Variants in ARHGEF26 observed in about 807,000 individuals in gnomAD.
The protein encoded by ARHGEF26 is Rho guanine nucleotide exchange factor 26, also known as Rho guanine nucleotide exchange factor (GEF) 26.
Under a neutral mutation model 89.4 loss-of-function variants are expected in ARHGEF26, and 59 were observed. That is an observed-to-expected ratio of 0.66 (90% confidence interval 0.54 to 0.82). ARHGEF26 has a LOEUF of 0.82. Ranked by LOEUF, ARHGEF26 falls within the 40% of genes least tolerant of loss-of-function variation. The pLI, the probability that ARHGEF26 is intolerant of heterozygous loss-of-function variation, is 0.00. For synonymous variants in ARHGEF26, 500 were observed against 428.4 expected (o/e 1.17, Z -2.06); for missense variants, 1,234 against 1,085.6 (o/e 1.14, Z -1.92).
chr3:154,151,424 C>T (rs1247168256), intron 5 of ARHGEF26, among the ~76,000 whole-genome samples: 1 of 152,140 alleles, frequency 6.6e-6, no homozygotes, highest in Non-Finnish European at 1.5e-5. Context: ...TTTGCTGTTG[C>T]AAATATTTTA....
intron 6 of ARHGEF26, among the ~76,000 whole-genome samples, chr3:154,160,652 C>A (rs998067694): frequency 6.6e-6 from 1 of 152,038 alleles, no homozygotes; most frequent in Admixed American, 6.6e-5. Flanking sequence ...AATCCCAGAA[C>A]CTCTGAAAGG....
intron 9 of ARHGEF26, among the ~76,000 whole-genome samples, chr3:154,202,383 T>C (rs1576771936): frequency 3.3e-5 from 5 of 152,320 alleles, no homozygotes; most frequent in Middle Eastern, 6.8e-3. Context: ...TTGGTACCAG[T>C]ACCATGCTGT....
chr3:154,239,301 T>A (rs1013755534), intron 11 of ARHGEF26, among the ~76,000 whole-genome samples: 650 of 24,722 alleles, frequency 0.026, no homozygotes, highest in Non-Finnish European at 0.044. Flanking sequence ...AGAGAGAGAG[T>A]GTGTGTGTGT....
intron 11 of ARHGEF26, among the ~76,000 whole-genome samples, chr3:154,228,435 CCTTTTTTTTTTTTT>C (rs1482159651): frequency 7.2e-6 from 1 of 138,780 alleles, no homozygotes; most frequent in Non-Finnish European, 1.6e-5. Context: ...CCGCACCTGG[CCTTTTTTTTTTTTT>C]CTTTTTCTTT....
Position 154,255,980 on chromosome 3 carries a change from C to T in ARHGEF26, c.*507C>T. ...AATGCTTCGTTAACTTCAAAAGGAA[C>T]TGGTAGAGTTCAGAAGGTGAGCTGT... On this transcript the variant is annotated 3_prime_UTR_variant, in exon 15 of 15. Coordinates refer to ENST00000465093, the MANE Select transcript of ARHGEF26 (RefSeq NM_015595.4). 1.0e-6 allele frequency: 1 copy of T among 985,722 alleles called. No homozygotes were observed. The highest frequency in any genetic ancestry group is 1.2e-6 in the Non-Finnish European group (1 of 830,060). The allele number at this position is 985,722 out of a possible 1,614,324, so 61.1% of individuals were successfully genotyped here.
Position 154,122,914 on chromosome 3 carries a change from C to T in ARHGEF26, c.922C>T (p.Leu308=). The T allele has an allele frequency of 6.2e-7, 1 of 1,613,544 alleles. No homozygotes were observed. Among genetic ancestry groups the T allele is most frequent in the South Asian group, 1.1e-5 (1 of 90,902 alleles). ...TAACGACGTGGATAGCCCAGGGTCT[C>T]TGCGGAGAGGCTTGCGGTCCACGTC... The part of the protein sequence containing the change: ...VDNDVDSPGS[L]RRGLRSTSYR... The change falls in exon 2 of 15, where the codon CTG becomes TTG. Residue 308 remains leucine (L), a synonymous_variant. Transcript: ENST00000465093.
intron 7 of ARHGEF26, among the ~76,000 whole-genome samples, chr3:154,190,584 G>A (rs1713892865): frequency 6.6e-6 from 1 of 152,194 alleles, no homozygotes; most frequent in Admixed American, 6.5e-5. Flanking sequence ...TACTTGGTGA[G>A]GTAGGGACCT....
At chr3:154,212,825 C>T (rs1045160857) in intron 9 of ARHGEF26, among the ~76,000 whole-genome samples, 3 of 151,980 alleles carry the variant, frequency 2.0e-5, no homozygotes, top group Non-Finnish European at 2.9e-5. Flanking sequence ...CACCTCCTGC[C>T]GTGCGCTGGA....
At position 154,255,937 on chromosome 3, in the gene ARHGEF26, T is replaced by C; in HGVS notation, c.*464T>C. ...AATATTTCCCTGCCTTTTTTTTTCT[T>C]TTTTTACATCTGATTTTAATGCTTC... On this transcript the variant is annotated 3_prime_UTR_variant, in exon 15 of 15. Coordinates refer to ENST00000465093, the MANE Select transcript of ARHGEF26 (RefSeq NM_015595.4). 2 of 986,928 alleles carry C rather than the reference T, an allele frequency of 2.0e-6. No individual in the cohort carries two copies. The highest frequency in any genetic ancestry group is 2.4e-6 in the Non-Finnish European group (2 of 830,762). The allele number at this position is 986,928 out of a possible 1,614,324, so 61.1% of individuals were successfully genotyped here. A position where few individuals can be genotyped will look rare whatever the true frequency, so the allele number is the denominator to read the frequency against.
chr3:154,224,120 C>T (rs1487059626), intron 10 of ARHGEF26, among the ~76,000 whole-genome samples: 2 of 152,034 alleles, frequency 1.3e-5, no homozygotes, highest in Admixed American at 1.3e-4. Context: ...CTAGTCTCAG[C>T]ATTTCCTTAC....
chr3:154,228,560 T>C lies in ARHGEF26; in HGVS notation c.2090+2550T>C, dbSNP rs186972792. The stretch of plus-strand genomic sequence containing the variant: ...TTTACCAAAACTAGAATTTTTTTTT[T>C]GCCTTACCAATTAGTTCATTATATT... On this transcript the variant is annotated intron_variant, in intron 11 of 14. Coordinates refer to ENST00000465093, the MANE Select transcript of ARHGEF26 (RefSeq NM_015595.4). 5.5e-3 allele frequency among the ~76,000 whole-genome samples: 835 copies of C among 152,188 alleles called. 8 individuals carry two copies. The highest frequency in any genetic ancestry group is 0.019 in the African/African-American group (782 of 41,504).
In ARHGEF26 at chr3:154,122,419, G is replaced by A; in HGVS notation, c.427G>A (p.Val143Ile). ...CTTGCCTGCGCCGCCGCCGCCGCCG[G>A]TTCTGCGCCCCCCGCGGACTCCTAA... ...VTLPAPPPPP[V>I]LRPPRTPNAP... The change falls in exon 2 of 15, where the codon GTT becomes ATT. Residue 143 changes from valine (V) to isoleucine (I), a missense_variant. By Grantham distance (29) the Val-to-Ile change is conservative. Coordinates refer to ENST00000465093, the MANE Select transcript of ARHGEF26 (RefSeq NM_015595.4). The A allele has an allele frequency of 6.2e-7, 1 of 1,610,994 alleles. No homozygotes were observed. The highest frequency in any genetic ancestry group is 1.3e-5 in the African/African-American group (1 of 74,988).
rs1718091548 is a variant in ARHGEF26, at chr3:154,123,022, C to A, written c.1030C>A (p.Leu344Met). Residue 344 changes from leucine (L) to methionine (M), a missense_variant, in exon 2 of 15, where the codon CTG becomes ATG. Transcript: ENST00000465093. ...GAAGAACAGAATGTCCCAGCCTGTT[C>A]TGAAAGTGGTGATGGAAGACAAGGA... ...KKKNRMSQPV[L>M]KVVMEDKEKF... The A allele has an allele frequency of 1.9e-6, 3 of 1,613,896 alleles. No homozygotes were observed. The highest frequency in any genetic ancestry group is 1.3e-5 in the African/African-American group (1 of 75,032).
intron 4 of ARHGEF26, among the ~76,000 whole-genome samples, chr3:154,134,905 AACCT>A (rs1718911577): frequency 6.6e-6 from 1 of 152,192 alleles, no homozygotes; most frequent in Admixed American, 6.5e-5. Flanking sequence ...ATGTTGAACC[AACCT>A]TGCATCCCAT....
In ARHGEF26 at chr3:154,151,934, C is replaced by T. The variant is rs184771080; in HGVS notation, c.1327-838C>T. Among the ~76,000 whole-genome samples the T allele has an allele frequency of 3.2e-4, 49 of 152,232 alleles. No individual in the cohort carries two copies. The East Asian group carries it at 9.1e-3, about 28-fold the overall frequency. The stretch of plus-strand genomic sequence containing the variant: ...CTGTGAATCTTAGGCCTGCATTTTC[C>T]CTATATCCCTTTTTAGAGGATCTGA... On this transcript the variant is annotated intron_variant, in intron 5 of 14. Coordinates refer to ENST00000465093, the MANE Select transcript of ARHGEF26 (RefSeq NM_015595.4).
At chr3:154,249,929 C>T (rs1014045243) in intron 12 of ARHGEF26, among the ~76,000 whole-genome samples, 21 of 152,178 alleles carry the variant, frequency 1.4e-4, no homozygotes, top group African/African-American at 5.1e-4. Context: ...GTGGGTAAGT[C>T]TATGCCCTGG....
chr3:154,221,636 CAA>C (rs1716138352), intron 10 of ARHGEF26, among the ~76,000 whole-genome samples: 1 of 152,046 alleles, frequency 6.6e-6, no homozygotes, highest in African/African-American at 2.4e-5. Context: ...TGATACCACT[CAA>C]AAGAATAAAG....
chr3:154,221,086 G>C (rs1421680454), intron 10 of ARHGEF26, among the ~76,000 whole-genome samples: 1 of 151,698 alleles, frequency 6.6e-6, no homozygotes, highest in Non-Finnish European at 1.5e-5. Context: ...TGGCCTTGCT[G>C]ACACTTTCAT....
intron 11 of ARHGEF26, among the ~76,000 whole-genome samples, chr3:154,237,753 C>T (rs931974693): frequency 6.6e-6 from 1 of 152,134 alleles, no homozygotes; most frequent in Non-Finnish European, 1.5e-5. Context: ...TTTGGAAATA[C>T]CTACAACGCC....
Sources: allele counts gnomAD v4.1 joint callset (sites outside exome capture counted in the v4.1 genomes callset), GRCh38; gene constraint gnomAD v4.1.1; transcripts MANE v1.5; gene names NCBI Gene and HGNC (gene_info 2026-07-23, HGNC 2026-07-21).